The following PTPRD variants were observed in gnomAD, a reference collection of about 807,000 sequenced individuals.
The protein encoded by PTPRD is protein tyrosine phosphatase receptor type D.
PTPRD carries 34 observed loss-of-function variants against 214.5 expected under a neutral mutation model. The ratio of observed to expected loss-of-function variants is 0.16; its 90% CI spans 0.12 to 0.21. PTPRD has a LOEUF of 0.21. PTPRD is among the 10% of genes least tolerant of loss of function. The pLI, the probability that PTPRD is intolerant of heterozygous loss-of-function variation, is 1.00. For missense variants in PTPRD, 2,545 were observed against 2,398.7 expected, an observed-to-expected ratio of 1.06 and a Z score of -1.27; for synonymous variants, 1,128 against 845.7, an observed-to-expected ratio of 1.33 and a Z score of -5.79.
At chr9:10,221,871 A>T (rs2099572396) in intron 3 of PTPRD, among the ~76,000 whole-genome samples, 1 of 151,992 alleles carries the variant, frequency 6.6e-6, no homozygotes, top group African/African-American at 2.4e-5. Context: ...TAGACCATAA[A>T]TGCTTTGTAT....
chr9:9,743,739 C>CACACACACAA, intron 6 of PTPRD, among the ~76,000 whole-genome samples: 1 of 148,098 alleles, frequency 6.8e-6, no homozygotes, highest in Admixed American at 6.7e-5. Context: ...TATACACACA[C>CACACACACAA]ACACACACAC....
chr9:9,040,471 T>C (rs2099636164), intron 10 of PTPRD, among the ~76,000 whole-genome samples: 1 of 152,170 alleles, frequency 6.6e-6, no homozygotes, highest in South Asian at 2.1e-4. Flanking sequence ...TGCACATTTA[T>C]ATTGGAGTGT....
At chr9:8,850,901 G>C (rs1056892548) in intron 11 of PTPRD, among the ~76,000 whole-genome samples, 26 of 152,156 alleles carry the variant, frequency 1.7e-4, no homozygotes, top group African/African-American at 6.3e-4. Flanking sequence ...GAAGGAAGAC[G>C]GAGAAAATTT....
chr9:8,552,424 C>T (rs2082382134), intron 14 of PTPRD, among the ~76,000 whole-genome samples: 1 of 152,172 alleles, frequency 6.6e-6, no homozygotes, highest in African/African-American at 2.4e-5. Flanking sequence ...ATCCACTTTT[C>T]TCCCAGAGCA....
intron 9 of PTPRD, among the ~76,000 whole-genome samples, chr9:9,203,355 C>T (rs1171402618): frequency 6.6e-6 from 1 of 152,128 alleles, no homozygotes; most frequent in Non-Finnish European, 1.5e-5. Context: ...AGAGCTTGGA[C>T]TTTATTCCAT....
chr9:10,167,246 C>G (rs146392862), intron 3 of PTPRD, among the ~76,000 whole-genome samples: 1 of 151,594 alleles, frequency 6.6e-6, no homozygotes, highest in Non-Finnish European at 1.5e-5. Flanking sequence ...AATAGTGGAG[C>G]TAATTCTCAC....
At chr9:9,959,656 G>C (rs539645266) in intron 4 of PTPRD, among the ~76,000 whole-genome samples, 1 of 152,152 alleles carries the variant, frequency 6.6e-6, no homozygotes, top group Non-Finnish European at 1.5e-5. Context: ...TAATGCTAGA[G>C]GCAAAAGGAG....
intron 11 of PTPRD, among the ~76,000 whole-genome samples, chr9:8,966,873 T>G (rs2099198846): frequency 6.6e-6 from 1 of 152,038 alleles, no homozygotes; most frequent in Non-Finnish European, 1.5e-5. Flanking sequence ...AAAGATCTAA[T>G]ATCCAGAATC....
At chr9:9,088,353 C>T (rs970462756) in intron 10 of PTPRD, among the ~76,000 whole-genome samples, 6 of 151,304 alleles carry the variant, frequency 4.0e-5, no homozygotes, top group Non-Finnish European at 5.9e-5. Flanking sequence ...TTTGGGAGGC[C>T]GAGGCAGCTG....
At chr9:9,556,940 C>T (rs188296052) in intron 8 of PTPRD, among the ~76,000 whole-genome samples, 8 of 152,204 alleles carry the variant, frequency 5.3e-5, no homozygotes, top group African/African-American at 1.9e-4. Context: ...GTAAAGATTT[C>T]AACTGAGATG....
chr9:9,391,151 T>C, intron 9 of PTPRD, among the ~76,000 whole-genome samples: 1 of 137,462 alleles, frequency 7.3e-6, no homozygotes, highest in African/African-American at 2.7e-5. Context: ...TGATCAGGGA[T>C]ATTCTATGTT....
chr9:9,840,797 A>T (rs866235627), intron 5 of PTPRD, among the ~76,000 whole-genome samples: 2 of 115,426 alleles, frequency 1.7e-5, no homozygotes, highest in Non-Finnish European at 3.7e-5. Context: ...AAAAAAAAAA[A>T]AACAGAAAGG....
chr9:9,118,944 G>A (rs1009476066), intron 10 of PTPRD, among the ~76,000 whole-genome samples: 1 of 152,174 alleles, frequency 6.6e-6, no homozygotes, highest in Non-Finnish European at 1.5e-5. Flanking sequence ...ACAAAGGGAA[G>A]TTAGAGGGCC....
intron 33 of PTPRD, 147 bp from the exon 34 acceptor site, chr9:8,449,984 G>C: frequency 1.4e-6 from 1 of 734,882 alleles, no homozygotes. Flanking sequence ...CCCAGTTCGG[G>C]TTGCTTTTCC....
intron 9 of PTPRD, among the ~76,000 whole-genome samples, chr9:9,367,670 T>G (rs1275063987): frequency 6.6e-6 from 1 of 151,608 alleles, no homozygotes; most frequent in Non-Finnish European, 1.5e-5. Context: ...GGGAGCTGTT[T>G]CCATCAAAAC....
In PTPRD at chr9:10,493,979, C is replaced by A. The variant is rs373264082; in HGVS notation, c.-600+118419G>T. 5.3e-5 allele frequency among the ~76,000 whole-genome samples: 8 copies of A among 152,026 alleles called. No homozygotes were observed. In the East Asian group the frequency reaches 1.5e-3, roughly 29 times the overall value. ...TATCTATTTGACATACTGTATTCAACATTAATCTTTATGTTTCTTATCTTA... is the reference window on the plus strand; with the variant it reads ...TATCTATTTGACATACTGTATTCAAAATTAATCTTTATGTTTCTTATCTTA... On this transcript the variant is annotated intron_variant, in intron 2 of 45. Coordinates refer to ENST00000381196, the MANE Select transcript of PTPRD (RefSeq NM_002839.4).
At chr9:9,711,757 A>G (rs2097735946) in intron 7 of PTPRD, among the ~76,000 whole-genome samples, 1 of 152,180 alleles carries the variant, frequency 6.6e-6, no homozygotes, top group Non-Finnish European at 1.5e-5. Flanking sequence ...TATATATAGC[A>G]TGACCTTAAA....
intron 5 of PTPRD, among the ~76,000 whole-genome samples, chr9:9,919,288 G>C (rs10978087): frequency 0.23 from 34,464 of 151,888 alleles, 4,721 homozygotes; most frequent in East Asian, 0.45. Context: ...TCATCTCTCT[G>C]AGTCAATTCC....
At chr9:8,633,679 G>C (rs981717251) in intron 13 of PTPRD, among the ~76,000 whole-genome samples, 1 of 152,010 alleles carries the variant, frequency 6.6e-6, no homozygotes, top group Non-Finnish European at 1.5e-5. Flanking sequence ...AAAACATGGA[G>C]ATTTCTAGTC....
Sources: gnomAD v4.1 joint callset for allele counts (sites outside exome capture counted in the v4.1 genomes callset) on GRCh38, gnomAD v4.1.1 for gene constraint, MANE v1.5 for transcripts, NCBI Gene and HGNC (gene_info 2026-07-23, HGNC 2026-07-21) for gene names.